The following TDP1 variants were observed in gnomAD, a reference collection of about 807,000 sequenced individuals.
TDP1 encodes tyr-DNA phosphodiesterase 1.
Under a neutral mutation model 81.5 loss-of-function variants are expected in TDP1, and 64 were observed. That is an observed-to-expected ratio of 0.79 (90% CI 0.64 to 0.97). TDP1 has a LOEUF of 0.97. Ranked by LOEUF, TDP1 falls within the 50% of genes least tolerant of loss-of-function variation. The pLI, the probability that TDP1 is intolerant of heterozygous loss-of-function variation, is 0.00. For synonymous variants in TDP1, 256 were observed against 264.3 expected, an observed-to-expected ratio of 0.97 and a Z score of 0.30; for missense variants, 723 against 743.8, an observed-to-expected ratio of 0.97 and a Z score of 0.33.
rs1278614948 is a variant in TDP1, at chr14:89,971,340, AC to A, written c.756+72del. ...AGAAGGAAACTTAGACATTTAGTCCACCCTCTCACTTAGTGCAGAAATCCTC... is the reference window on the plus strand; with the variant it reads ...AGAAGGAAACTTAGACATTTAGTCCACCTCTCACTTAGTGCAGAAATCCTC... On this transcript the variant is annotated intron_variant, in intron 6 of 16. Transcript: ENST00000335725. 5.2e-6 allele frequency: 6 copies of A among 1,154,150 alleles called. No individual in the cohort carries two copies. In the Admixed American group the frequency reaches 5.2e-5, roughly 10 times the overall value. 71.5% of individuals were successfully genotyped at this position (1,154,150 alleles called of 1,614,324 possible). A position where few individuals can be genotyped will look rare whatever the true frequency, so the allele number is the denominator to read the frequency against.
chr14:89,959,757 C>T (rs1020000552), intron 2 of TDP1, among the ~76,000 whole-genome samples: 2 of 152,106 alleles, frequency 1.3e-5, no homozygotes, highest in East Asian at 1.9e-4. Flanking sequence ...AATGATAAAA[C>T]TTAAAAACCT....
At chr14:89,971,561 A>T (rs1232231760) in intron 6 of TDP1, among the ~76,000 whole-genome samples, 1 of 152,236 alleles carries the variant, frequency 6.6e-6, no homozygotes, top group Admixed American at 6.5e-5. Context: ...TAAGTCTTTC[A>T]TCTTACACAT....
At chr14:89,980,498 A>G (rs1311986183) in intron 7 of TDP1, 42 bp from the exon 8 acceptor site, 1 of 1,571,822 alleles carries the variant, frequency 6.4e-7, no homozygotes, top group South Asian at 1.1e-5. Flanking sequence ...ACATATTTTG[A>G]AAGTACTATT....
chr14:90,033,401 C>T, intron 16 of TDP1, 187 bp downstream of exon 16: 2 of 677,340 alleles, frequency 3.0e-6, no homozygotes, highest in Non-Finnish European at 2.7e-6. Context: ...AATCCCTTTG[C>T]ACTCCTATAA....
rs1485850796 is a variant in TDP1, at chr14:90,017,719, G to T, written c.1542-1597G>T. Among the ~76,000 whole-genome samples the T allele has an allele frequency of 2.0e-5, 3 of 152,220 alleles. No individual in the cohort carries two copies. In the East Asian group the frequency reaches 5.8e-4, roughly 29 times the overall value. On this transcript the variant is annotated intron_variant, in intron 14 of 16. Transcript: ENST00000335725. Reference sequence around the variant, plus strand: ...GACCCACTGGTTGGTTTTGCCGTTAGACTTTCCTCTTCGCCCAGGAGATGA... The same window carrying T: ...GACCCACTGGTTGGTTTTGCCGTTATACTTTCCTCTTCGCCCAGGAGATGA...
chr14:90,005,043 A>G (rs1216466993), intron 14 of TDP1, among the ~76,000 whole-genome samples: 1 of 152,204 alleles, frequency 6.6e-6, no homozygotes, highest in Non-Finnish European at 1.5e-5. Flanking sequence ...GCCTTCACAC[A>G]CTTTATAAAG....
intron 2 of TDP1, chr14:89,962,860 C>T (rs1021176322): frequency 1.7e-5 from 16 of 945,390 alleles, no homozygotes; most frequent in African/African-American, 3.5e-5. Flanking sequence ...GGTGACAGAG[C>T]GAGACCCTGT....
Position 90,043,347 on chromosome 14 carries a change from T to G in TDP1, c.*204T>G. 1 of 643,210 alleles carries G rather than the reference T, an allele frequency of 1.6e-6. No individual in the cohort carries two copies. Among genetic ancestry groups the G allele is most frequent in the South Asian group, 2.0e-5 (1 of 50,656 alleles). 39.8% of individuals were successfully genotyped at this position (643,210 alleles called of 1,614,324 possible). ...ATAAAGTATTAGTTTCTTAATTCACTTTTATATGTTTTGGAAAGAAAATTA... is the reference window on the plus strand; with the variant it reads ...ATAAAGTATTAGTTTCTTAATTCACGTTTATATGTTTTGGAAAGAAAATTA... On this transcript the variant is annotated 3_prime_UTR_variant, in exon 17 of 17. Transcript: ENST00000335725.
chr14:90,042,065 GTCCTCAGTGTCCTT>G (rs1426231382), intron 16 of TDP1, among the ~76,000 whole-genome samples: 1 of 152,144 alleles, frequency 6.6e-6, no homozygotes, highest in African/African-American at 2.4e-5. Flanking sequence ...ATTTGACATG[GTCCTCAGTGTCCTT>G]TCCATTGTAC....
rs1393008081 is a variant in TDP1, at chr14:90,044,383, G to C, written c.*1240G>C. 1 of 152,206 alleles carries C rather than the reference G, an allele frequency of 6.6e-6. No individual in the cohort carries two copies. Among genetic ancestry groups the C allele is most frequent in the East Asian group, 1.9e-4 (1 of 5,194 alleles). The allele number at this position is 152,206 out of a possible 1,614,324, so 9.4% of individuals were successfully genotyped here. A position where few individuals can be genotyped will look rare whatever the true frequency, so the allele number is the denominator to read the frequency against. On this transcript the variant is annotated 3_prime_UTR_variant, in exon 17 of 17. Transcript: ENST00000335725. ...AGTGTCTTTGTGCTTTGTGTACATT[G>C]TGTTCTCCCTAGGGTGCTTTAGACC...
At chr14:90,023,674 C>T (rs1011862232) in intron 15 of TDP1, among the ~76,000 whole-genome samples, 2 of 152,144 alleles carry the variant, frequency 1.3e-5, no homozygotes, top group African/African-American at 4.8e-5. Flanking sequence ...CTATTCACCT[C>T]ACTCTCTTGG....
In TDP1 at chr14:89,966,677, T is replaced by C. The variant is rs185896118; in HGVS notation, c.603+487T>C. ...ATGGTCCAGACCCACAAGTAAGTGG[T>C]CCAAAGGGCCCTGTCCCTGAAGAAA... On this transcript the variant is annotated intron_variant, in intron 4 of 16. Coordinates refer to ENST00000335725, the MANE Select transcript of TDP1 (RefSeq NM_018319.4). 5.0e-3 allele frequency among the ~76,000 whole-genome samples: 762 copies of C among 152,304 alleles called. 9 individuals are homozygous for C. The highest frequency in any genetic ancestry group is 0.014 in the Middle Eastern group (4 of 294).
intron 4 of TDP1, chr14:89,967,046 A>G: frequency 1.0e-6 from 1 of 984,776 alleles, no homozygotes; most frequent in Non-Finnish European, 1.2e-6. Flanking sequence ...AAATCCTTTT[A>G]TTTAAATTAA....
At chr14:90,030,204 C>A (rs11159945) in intron 15 of TDP1, among the ~76,000 whole-genome samples, 1 of 152,124 alleles carries the variant, frequency 6.6e-6, no homozygotes, top group African/African-American at 2.4e-5. Flanking sequence ...GCCTGCCCTC[C>A]GTGTCTTCCC....
Position 89,999,706 on chromosome 14 carries a change from A to AGG in TDP1, c.1541+6223_1541+6224insGG, listed in dbSNP as rs1464229770. Among the ~76,000 whole-genome samples, 906 of 152,334 alleles carry AGG rather than the reference A, an allele frequency of 5.9e-3. 5 individuals carry two copies. The highest frequency in any genetic ancestry group is 0.021 in the African/African-American group (869 of 41,576). On this transcript the variant is annotated intron_variant, in intron 14 of 16. Transcript: ENST00000335725. ...AAAATAATCTAGAGCTGCATATCCA[A>AGG]AAAAGTATTATGATCACCCTTTGAA...
Position 89,989,279 on chromosome 14 carries a change from C to A in TDP1, c.1317+189C>A, listed in dbSNP as rs35376999. ...TCATTTGTAATCAAGTTGCCTTTGC[C>A]TTAATATCCAGTGCTAAGAGCTTGC... is the stretch of plus-strand genomic sequence containing the variant. On this transcript the variant is annotated intron_variant, in intron 11 of 16. Transcript: ENST00000335725. 1.4e-3 allele frequency: 1,360 copies of A among 983,872 alleles called. 12 individuals carry two copies. In the African/African-American group the frequency reaches 0.022, roughly 16 times the overall value. 60.9% of individuals were successfully genotyped at this position (983,872 alleles called of 1,614,324 possible). A position where few individuals can be genotyped will look rare whatever the true frequency, so the allele number is the denominator to read the frequency against.
intron 14 of TDP1, among the ~76,000 whole-genome samples, chr14:90,005,479 GT>G (rs1897590695): frequency 6.6e-6 from 1 of 152,142 alleles, no homozygotes; most frequent in African/African-American, 2.4e-5. Context: ...TCATAGTTCT[GT>G]TAAAAGCATT....
At chr14:89,967,558 G>A (rs1394925030) in intron 5 of TDP1, 136 bp downstream of exon 5, 1 of 767,438 alleles carries the variant, frequency 1.3e-6, no homozygotes, top group African/African-American at 1.7e-5. Flanking sequence ...CAGACATTAA[G>A]TTATATCCGG....
intron 14 of TDP1, among the ~76,000 whole-genome samples, chr14:90,015,805 A>G (rs529098033): frequency 6.6e-6 from 1 of 152,122 alleles, no homozygotes; most frequent in Admixed American, 6.5e-5. Context: ...ACACCATCAC[A>G]TTGGGGGTTA....
Sources: gnomAD v4.1 joint callset for allele counts (sites outside exome capture counted in the v4.1 genomes callset) on GRCh38, gnomAD v4.1.1 for gene constraint, MANE v1.5 for transcripts, NCBI Gene and HGNC (gene_info 2026-07-23, HGNC 2026-07-21) for gene names.